ZMYM6: variants seen among roughly 807,000 people sequenced by gnomAD.
ZMYM6 encodes zinc finger MYM-type protein 6.
Under a neutral mutation model 134.0 loss-of-function variants are expected in ZMYM6, and 90 were observed. That is an observed-to-expected ratio of 0.67 (90% confidence interval 0.57 to 0.80). ZMYM6 has a LOEUF of 0.80. Ranked by LOEUF, ZMYM6 falls within the 30% of genes least tolerant of loss-of-function variation. The pLI, the probability that ZMYM6 is intolerant of heterozygous loss-of-function variation, is 0.00. For missense variants in ZMYM6, 1,362 were observed against 1,533.9 expected, an observed-to-expected ratio of 0.89 and a Z score of 1.87; for synonymous variants, 481 against 524.1, an observed-to-expected ratio of 0.92 and a Z score of 1.12.
Position 34,988,660 on chromosome 1 carries a change from A to G in ZMYM6, c.2422T>C (p.Ser808Pro), listed in dbSNP as rs1344925248. The G allele has an allele frequency of 6.5e-7, 1 of 1,547,128 alleles. No homozygotes were observed. Among genetic ancestry groups the G allele is most frequent in the East Asian group, 2.4e-5 (1 of 40,872 alleles). The stretch of plus-strand genomic sequence containing the variant: ...CTATTTTGACATTCCATTTCTAAAG[A>G]TTTTTGTTCAAAAAAATCTACTGGT... ...NKPVDFFEQK[S>P]LEMECQNSSL... Residue 808 changes from serine (S) to proline (P), a missense_variant, in exon 16 of 16, where the codon TCT becomes CCT. This residue lies in a region of ZMYM6 where 824 missense variants were observed against 940.9 expected (regional missense o/e 0.88). Coordinates refer to ENST00000357182, the MANE Select transcript of ZMYM6 (RefSeq NM_007167.4).
intron 14 of ZMYM6, among the ~76,000 whole-genome samples, chr1:34,995,561 C>T (rs1432181078): frequency 6.6e-6 from 1 of 152,020 alleles, no homozygotes; most frequent in Non-Finnish European, 1.5e-5. Context: ...TCTTAATGTG[C>T]TGTACTCATC....
At position 34,987,586 on chromosome 1, in the gene ZMYM6, ACATGTCATAATCATT is replaced by A; in HGVS notation, c.3481_3495del (p.Asn1161_Met1165del). 1 of 1,613,634 alleles carries A rather than the reference ACATGTCATAATCATT, an allele frequency of 6.2e-7. No homozygotes were observed. ...TTTGAGAATTCAGAAAATGAAGGGA[ACATGTCATAATCATT>A]CTCTTGTGTGCGCTTCAACCACATT... is the stretch of plus-strand genomic sequence containing the variant. On this transcript the variant is annotated inframe_deletion, in exon 16 of 16. Transcript: ENST00000357182.
At position 35,012,533 on chromosome 1, in the gene ZMYM6, A is replaced by C; in HGVS notation, c.844T>G (p.Ser282Ala). 1.2e-6 allele frequency: 2 copies of C among 1,613,518 alleles called. No homozygotes were observed. Among genetic ancestry groups the C allele is most frequent in the Non-Finnish European group, 1.7e-6 (2 of 1,179,772 alleles). Residue 282 changes from serine (S) to alanine (A), a missense_variant, in exon 7 of 16, where the codon TCA (serine) becomes GCA (alanine). By Grantham distance (99) the Ser-to-Ala change is moderately conservative. Coordinates refer to ENST00000357182, the MANE Select transcript of ZMYM6 (RefSeq NM_007167.4). ...TTTGTAGTCTCAATCATTTCAGCTG[A>C]GGGCCTCAATGACTTCCCCAGGGCA... ...PYALGKSLRPSAEMIETTNDS... is the reference protein window; with the variant it reads ...PYALGKSLRPAAEMIETTNDS...
At position 34,988,197 on chromosome 1, in the gene ZMYM6, T is replaced by C. The variant is rs1183793344; in HGVS notation, c.2885A>G (p.Asn962Ser). 1.3e-6 allele frequency: 2 copies of C among 1,548,560 alleles called. No homozygotes were observed. Among genetic ancestry groups the C allele is most frequent in the South Asian group, 1.2e-5 (1 of 83,328 alleles). ...CAGAGATTTACTATCAATATATTTATTTATTAGTTCAAATATTTCAAAGCC... is the reference window on the plus strand; with the variant it reads ...CAGAGATTTACTATCAATATATTTACTTATTAGTTCAAATATTTCAAAGCC... ...ITGFEIFELI[N>S]KYIDSKSLNW... Residue 962 changes from asparagine to serine, a missense_variant, in exon 16 of 16, where the codon AAT (asparagine) becomes AGT (serine). Asn to Ser is a conservative substitution (Grantham distance 46, BLOSUM62 1). This residue lies in a region of ZMYM6 where 824 missense variants were observed against 940.9 expected (regional missense o/e 0.88). Coordinates refer to ENST00000357182, the MANE Select transcript of ZMYM6 (RefSeq NM_007167.4).
intron 2 of ZMYM6, chr1:35,030,079 A>T (rs1268089691): frequency 6.5e-6 from 1 of 154,302 alleles, no homozygotes; most frequent in African/African-American, 2.4e-5. Context: ...AAAATGGTAA[A>T]TATATTACTT....
rs1569765528 is a variant in ZMYM6 at position 35,006,188 on chromosome 1, A to C, written c.1813+763T>G. Among the ~76,000 whole-genome samples the C allele has an allele frequency of 5.9e-5, 9 of 152,268 alleles. 1 individual carries two copies. The highest frequency in any genetic ancestry group is 2.0e-4 in the Admixed American group (3 of 15,292). ...ACACTTGGCTAATTTTTGTATTTTT[A>C]GTAGAGATGGGGTTTCACCATGTTT... is the stretch of plus-strand genomic sequence containing the variant. On this transcript the variant is annotated intron_variant, in intron 12 of 15. Coordinates refer to ENST00000357182, the MANE Select transcript of ZMYM6 (RefSeq NM_007167.4).
Position 34,987,834 on chromosome 1 carries a change from A to T in ZMYM6, c.3248T>A (p.Phe1083Tyr). ...TATTTCAATCTCATGTCGTAATTCA[A>T]ATAATCTTTTTAACATTCTCCCTCT... The part of the protein sequence containing the change: ...ISRGRMLKRL[F>Y]ELRHEIEIFL... The change falls in exon 16 of 16, where the codon TTT (phenylalanine) becomes TAT (tyrosine). Residue 1083 changes from phenylalanine (F) to tyrosine (Y), a missense_variant. Around this residue, in one of 3 missense-constraint regions of ZMYM6, gnomAD observed 824 missense variants for 940.9 expected, o/e 0.88. Transcript: ENST00000357182. 6.4e-7 allele frequency: 1 copy of T among 1,550,944 alleles called. No homozygotes were observed. Among genetic ancestry groups the T allele is most frequent in the South Asian group, 1.2e-5 (1 of 83,686 alleles).
At chr1:35,015,743 A>AAGAAAAAAAAAAAATATAT in intron 4 of ZMYM6, among the ~76,000 whole-genome samples, 1 of 106,476 alleles carries the variant, frequency 9.4e-6, no homozygotes, top group African/African-American at 6.6e-5. Flanking sequence ...AAAAAAAAAA[A>AAGAAAAAAAAAAAATATAT]ATATATATAT....
chr1:35,023,778 T>C (rs56998560), intron 2 of ZMYM6, among the ~76,000 whole-genome samples: 36,120 of 151,600 alleles, frequency 0.24, 10,486 homozygotes, highest in African/African-American at 0.69. Context: ...CCCACCACCA[T>C]GCCTGGCTAA....
chr1:34,992,923 T>C (rs1640710459), intron 14 of ZMYM6, among the ~76,000 whole-genome samples: 1 of 148,178 alleles, frequency 6.7e-6, no homozygotes. Context: ...AAAATAAGTA[T>C]GATCAAAACA....
At chr1:35,012,352 G>A in intron 7 of ZMYM6, 79 bp downstream of exon 7, 1 of 1,235,220 alleles carries the variant, frequency 8.1e-7, no homozygotes, top group African/African-American at 1.6e-5. Context: ...AATTTAGCTT[G>A]TAACAAAATC....
At chr1:34,990,985 C>T (rs1410648559) in intron 15 of ZMYM6, among the ~76,000 whole-genome samples, 1 of 152,192 alleles carries the variant, frequency 6.6e-6, no homozygotes, top group African/African-American at 2.4e-5. Flanking sequence ...CTTCCTCAGC[C>T]TCCTGAGTGG....
rs147207819 is a variant in ZMYM6, at chr1:35,004,919, G to A, written c.1954+213C>T. 9.5e-3 allele frequency among the ~76,000 whole-genome samples: 1,445 copies of A among 152,130 alleles called. 11 individuals carry two copies. Among genetic ancestry groups the A allele is most frequent in the Middle Eastern group, 0.017 (5 of 294 alleles). On this transcript the variant is annotated intron_variant, in intron 13 of 15. Coordinates refer to ENST00000357182, the MANE Select transcript of ZMYM6 (RefSeq NM_007167.4). ...CTAAAAATATCAAAATTAGCTGGGC[G>A]TGGTGGCAGGCACCTGTAATCCCAG...
At chr1:35,015,913 CTGAAA>C (rs1466200943) in intron 4 of ZMYM6, among the ~76,000 whole-genome samples, 6 of 149,174 alleles carry the variant, frequency 4.0e-5, no homozygotes, top group Middle Eastern at 3.4e-3. Flanking sequence ...CAAAGTAGAA[CTGAAA>C]TGAGACAATA....
At position 35,010,861 on chromosome 1, in the gene ZMYM6, G is replaced by T. The variant is rs1065531; in HGVS notation, c.1238C>A (p.Ala413Asp). 15 of 1,613,968 alleles carry T rather than the reference G, an allele frequency of 9.3e-6. No individual in the cohort carries two copies. The Middle Eastern group carries it at 2.0e-3, about 213-fold the overall frequency. ...GSAAASLQPL[A>D]EQSQQVALTH... Reference sequence around the variant, plus strand: ...TAAAGCAACTTGCTGGGATTGTTCAGCAAGAGGTTGGAGGCTGGCTGCAGC... The same window carrying T: ...TAAAGCAACTTGCTGGGATTGTTCATCAAGAGGTTGGAGGCTGGCTGCAGC... Residue 413 changes from alanine to aspartate, a missense_variant, in exon 9 of 16, where the codon GCT becomes GAT. Transcript: ENST00000357182.
chr1:35,015,743 A>AAAAAAAATATATATAT, intron 4 of ZMYM6, among the ~76,000 whole-genome samples: 109 of 106,382 alleles, frequency 1.0e-3, no homozygotes, highest in African/African-American at 6.9e-3. Flanking sequence ...AAAAAAAAAA[A>AAAAAAAATATATATAT]ATATATATAT....
In ZMYM6 at chr1:35,011,885, C is replaced by T. The variant is rs756199878; in HGVS notation, c.1062+5G>A. 6.3e-7 allele frequency: 1 copy of T among 1,586,968 alleles called. No homozygotes were observed. The highest frequency in any genetic ancestry group is 1.7e-5 in the Admixed American group (1 of 58,884). On this transcript the variant is annotated splice_donor_5th_base_variant and intron_variant, in intron 8 of 15. Coordinates refer to ENST00000357182, the MANE Select transcript of ZMYM6 (RefSeq NM_007167.4). The stretch of plus-strand genomic sequence containing the variant: ...ACATGCATAATGTGCTACCTTAGAT[C>T]ATACCTGGAAAGCAACCACACAACT...
rs767315303 is a variant in ZMYM6 at position 35,010,892 on chromosome 1, C to A, written c.1207G>T (p.Gly403Cys). The A allele has an allele frequency of 5.9e-5, 96 of 1,613,892 alleles. No homozygotes were observed. The highest frequency in any genetic ancestry group is 8.0e-5 in the Non-Finnish European group (94 of 1,179,972). ...TSAVSPSSIR[G>C]SAAASLQPLA... Reference sequence around the variant, plus strand: ...GGTTGGAGGCTGGCTGCAGCAGAGCCACGGATGGAGCTGGGGGAAACGGCA... The same window carrying A: ...GGTTGGAGGCTGGCTGCAGCAGAGCAACGGATGGAGCTGGGGGAAACGGCA... The change falls in exon 9 of 16, where the codon GGC becomes TGC. Residue 403 changes from glycine to cysteine, a missense_variant. By Grantham distance (159) the Gly-to-Cys change is radical (BLOSUM62 -3). Transcript: ENST00000357182.
chr1:35,007,024 A>G lies in ZMYM6; in HGVS notation c.1740T>C (p.His580=). Residue 580 remains histidine, a synonymous_variant, in exon 12 of 16, where the codon CAT becomes CAC. Transcript: ENST00000357182. The part of the protein sequence containing the change: ...ESIKWRGNIK[H]FCNLFCVLEF... ...CCAAGACACAAAATAGGTTACAGAA[A>G]TGTTTAATGTTGCCTCGCCACTTTA... 1 of 1,613,734 alleles carries G rather than the reference A, an allele frequency of 6.2e-7. No individual in the cohort carries two copies. The highest frequency in any genetic ancestry group is 8.5e-7 in the Non-Finnish European group (1 of 1,179,834).
Sources: gnomAD v4.1 joint callset for allele counts (sites outside exome capture counted in the v4.1 genomes callset) on GRCh38, gnomAD v4.1.1 for gene constraint, gnomAD v4.1.1 regional missense constraint, MANE v1.5 for transcripts, NCBI Gene and HGNC (gene_info 2026-07-23, HGNC 2026-07-21) for gene names.